The following PAQR5 variants were observed in gnomAD, a reference collection of about 807,000 sequenced individuals.
PAQR5 encodes progestin and adipoQ receptor family member 5.
In PAQR5, 20 loss-of-function variants were observed where a neutral mutation model predicts 34.5. The ratio of observed to expected loss-of-function variants is 0.58; its 90% CI spans 0.41 to 0.84. PAQR5 has a LOEUF of 0.84. Among genes scored for constraint, PAQR5 ranks in the 40% least tolerant of loss-of-function variants. The pLI is 0.00. For missense variants in PAQR5, 378 were observed against 412.7 expected, an observed-to-expected ratio of 0.92 and a Z score of 0.73; for synonymous variants, 131 against 155.6, an observed-to-expected ratio of 0.84 and a Z score of 1.18.
At chr15:69,388,149 T>C (rs758346082) in intron 5 of PAQR5, among the ~76,000 whole-genome samples, 3 of 152,144 alleles carry the variant, frequency 2.0e-5, no homozygotes, top group Non-Finnish European at 4.4e-5. Flanking sequence ...CCTCCCTCCC[T>C]GTCAAAGCCC....
At chr15:69,380,263 C>T in intron 4 of PAQR5, 3 of 426,112 alleles carry the variant, frequency 7.0e-6, no homozygotes, top group Non-Finnish European at 1.3e-5. Flanking sequence ...CCTTCCTGCT[C>T]CCTGCTCCGG....
chr15:69,387,877 G>A (rs1401606446), intron 5 of PAQR5, among the ~76,000 whole-genome samples: 2 of 148,356 alleles, frequency 1.3e-5, no homozygotes, highest in Non-Finnish European at 3.0e-5. Context: ...CCCCTGCCCT[G>A]TGCCCTTCCT....
intron 8 of PAQR5, 151 bp from the exon 9 acceptor site, chr15:69,403,430 T>C (rs762914452): frequency 3.0e-5 from 21 of 710,606 alleles, no homozygotes; most frequent in South Asian, 7.8e-5. Context: ...TCTGTCTTTA[T>C]GGATTTGCAT....
chr15:69,389,179 G>A (rs1479823963), intron 5 of PAQR5, among the ~76,000 whole-genome samples: 1 of 152,194 alleles, frequency 6.6e-6, no homozygotes, highest in East Asian at 1.9e-4. Context: ...CTGGGCAGGT[G>A]AGATGTGCAC....
chr15:69,386,431 C>T (rs1379805348), intron 5 of PAQR5, among the ~76,000 whole-genome samples: 1 of 152,152 alleles, frequency 6.6e-6, no homozygotes, highest in Non-Finnish European at 1.5e-5. Context: ...TACCCTCAGG[C>T]TTTGATGGGT....
chr15:69,354,443 C>T (rs944692170), intron 2 of PAQR5, among the ~76,000 whole-genome samples: 8 of 152,104 alleles, frequency 5.3e-5, no homozygotes, highest in African/African-American at 1.7e-4. Flanking sequence ...AATGTTATAT[C>T]ATACTATTTA....
chr15:69,362,267 A>C (rs2055254852), intron 3 of PAQR5, among the ~76,000 whole-genome samples: 1 of 152,148 alleles, frequency 6.6e-6, no homozygotes, highest in Non-Finnish European at 1.5e-5. Flanking sequence ...GAGGCAGAAG[A>C]CCAACATCAC....
At chr15:69,369,328 G>A (rs2055491003) in intron 3 of PAQR5, among the ~76,000 whole-genome samples, 1 of 152,252 alleles carries the variant, frequency 6.6e-6, no homozygotes, top group Non-Finnish European at 1.5e-5. Context: ...CTGAGGTCAG[G>A]AGTTCGAAAC....
chr15:69,306,868 C>T (rs1408716748), intron 1 of PAQR5, among the ~76,000 whole-genome samples: 1 of 152,158 alleles, frequency 6.6e-6, no homozygotes, highest in East Asian at 1.9e-4. Context: ...CCCCTTGCAA[C>T]CACCATCATC....
intron 3 of PAQR5, among the ~76,000 whole-genome samples, chr15:69,363,173 T>C (rs2055286923): frequency 6.6e-6 from 1 of 152,226 alleles, no homozygotes; most frequent in Admixed American, 6.5e-5. Context: ...CTATAGGGAA[T>C]GGTGTGCCCA....
chr15:69,334,303 C>CA (rs1421060595), intron 1 of PAQR5, among the ~76,000 whole-genome samples: 6 of 152,212 alleles, frequency 3.9e-5, no homozygotes, highest in African/African-American at 1.2e-4. Flanking sequence ...GCTGGGATAA[C>CA]AGGCATGAGC....
intron 2 of PAQR5, among the ~76,000 whole-genome samples, chr15:69,357,254 G>GTGTT (rs3084830): frequency 0.013 from 1,950 of 149,432 alleles, 31 homozygotes; most frequent in East Asian, 0.037. Context: ...CAGTCTCAGG[G>GTGTT]TGTTTGTTTG....
intron 3 of PAQR5, among the ~76,000 whole-genome samples, chr15:69,369,134 T>C (rs1043965406): frequency 6.6e-6 from 1 of 152,260 alleles, no homozygotes; most frequent in African/African-American, 2.4e-5. Flanking sequence ...TAAACACAGT[T>C]ATTTTATATT....
At chr15:69,308,758 G>T (rs1306671553) in intron 1 of PAQR5, among the ~76,000 whole-genome samples, 1 of 152,124 alleles carries the variant, frequency 6.6e-6, no homozygotes, top group Non-Finnish European at 1.5e-5. Context: ...TCAAGGCACA[G>T]GTTCCAGCAA....
In PAQR5 at chr15:69,359,648, G is replaced by A. The variant is rs144447452; in HGVS notation, c.-115-318G>A. Among the ~76,000 whole-genome samples the A allele has an allele frequency of 1.3e-3, 205 of 152,096 alleles. 2 individuals are homozygous for A. The highest frequency in any genetic ancestry group is 4.5e-3 in the African/African-American group (188 of 41,498). The stretch of plus-strand genomic sequence containing the variant: ...TCAGGGGTCAATCTTTAACTACCAG[G>A]CCCAGGGTGTGGTGCCGGCTGTCTG... On this transcript the variant is annotated intron_variant, in intron 2 of 8. Transcript: ENST00000395407.
chr15:69,400,143 G>A, intron 8 of PAQR5, 28 bp downstream of exon 8: 1 of 1,598,554 alleles, frequency 6.3e-7, no homozygotes, highest in Non-Finnish European at 8.5e-7. Flanking sequence ...CTGCTGCTCT[G>A]CTCATTGCCC....
At chr15:69,394,696 G>A (rs1415170949) in intron 6 of PAQR5, among the ~76,000 whole-genome samples, 1 of 152,184 alleles carries the variant, frequency 6.6e-6, no homozygotes, top group African/African-American at 2.4e-5. Flanking sequence ...GTGCGGGACT[G>A]CCCTAAGCCC....
At chr15:69,326,701 T>C (rs767127621) in intron 1 of PAQR5, among the ~76,000 whole-genome samples, 11 of 152,140 alleles carry the variant, frequency 7.2e-5, no homozygotes, top group African/African-American at 9.7e-5. Flanking sequence ...CCTCCCAAAG[T>C]GCTGGGATTA....
At chr15:69,368,995 C>T (rs2055480557) in intron 3 of PAQR5, among the ~76,000 whole-genome samples, 1 of 152,166 alleles carries the variant, frequency 6.6e-6, no homozygotes, top group South Asian at 2.1e-4. Context: ...TGGTCTTAAA[C>T]TCCTGGGCTC....
Sources: allele counts gnomAD v4.1 joint callset (sites outside exome capture counted in the v4.1 genomes callset), GRCh38; gene constraint gnomAD v4.1.1; transcripts MANE v1.5; gene names NCBI Gene and HGNC (gene_info 2026-07-23, HGNC 2026-07-21).